The following ALMS1 variants were observed in gnomAD, a reference collection of about 807,000 sequenced individuals.
ALMS1 encodes the protein centrosome-associated protein ALMS1.
ALMS1 carries 271 observed loss-of-function variants against 352.2 expected under a neutral mutation model. That is an observed-to-expected ratio of 0.77 (90% CI 0.70 to 0.85). The LOEUF (loss-of-function observed/expected upper bound fraction) is 0.85. Ranked by LOEUF, ALMS1 falls within the 40% of genes least tolerant of loss-of-function variation. ALMS1 has a pLI of 0.00. For missense variants in ALMS1, 5,445 were observed against 4,870.7 expected, an observed-to-expected ratio of 1.12 and a Z score of -3.51; for synonymous variants, 1,865 against 1,761.2, an observed-to-expected ratio of 1.06 and a Z score of -1.48.
intron 7 of ALMS1, among the ~76,000 whole-genome samples, chr2:73,440,424 T>C (rs1474169176): frequency 6.6e-6 from 1 of 152,142 alleles, no homozygotes; most frequent in African/African-American, 2.4e-5. Context: ...CATTTGATCG[T>C]CTTCTCCCTC....
At chr2:73,455,780 A>C (rs1427119353) in intron 9 of ALMS1, among the ~76,000 whole-genome samples, 1 of 152,186 alleles carries the variant, frequency 6.6e-6, no homozygotes, top group African/African-American at 2.4e-5. Flanking sequence ...ATTGATTCCA[A>C]ATTCATATTT....
At chr2:73,437,757 C>G (rs7577699) in intron 7 of ALMS1, among the ~76,000 whole-genome samples, 1 of 152,034 alleles carries the variant, frequency 6.6e-6, no homozygotes, top group African/African-American at 2.4e-5. Flanking sequence ...TCTGAAACTG[C>G]GAGGTCCTCA....
intron 9 of ALMS1, among the ~76,000 whole-genome samples, chr2:73,469,216 C>T (rs966645039): frequency 6.6e-6 from 1 of 151,670 alleles, no homozygotes; most frequent in African/African-American, 2.4e-5. Context: ...GTAAACTTTA[C>T]TTATACTCTA....
Position 73,448,568 on chromosome 2 carries a change from C to G in ALMS1, c.2041C>G (p.Gln681Glu). The G allele has an allele frequency of 6.2e-7, 1 of 1,613,962 alleles. No homozygotes were observed. The highest frequency in any genetic ancestry group is 8.5e-7 in the Non-Finnish European group (1 of 1,179,918). The stretch of plus-strand genomic sequence containing the variant: ...AGAGGACCTCCTCTTTTTCTATCGA[C>G]AGACCTTGCCAGATGGTCATCTAAC... Reference protein sequence around the residue: ...HVEDLLFFYRQTLPDGHLTDQ... With the variant: ...HVEDLLFFYRETLPDGHLTDQ... Residue 681 changes from glutamine (Q) to glutamate (E), a missense_variant, in exon 8 of 23, where the codon CAG (glutamine) becomes GAG (glutamate). Physicochemically the swap from Gln to Glu is conservative, Grantham distance 29. Transcript: ENST00000613296.
chr2:73,421,990 G>A (rs1265347513), intron 3 of ALMS1, among the ~76,000 whole-genome samples: 1 of 151,864 alleles, frequency 6.6e-6, no homozygotes, highest in Non-Finnish European at 1.5e-5. Flanking sequence ...AAACTTTTTG[G>A]GTAACAGGAT....
chr2:73,551,656 G>A (rs1373681515), intron 13 of ALMS1, among the ~76,000 whole-genome samples: 1 of 151,686 alleles, frequency 6.6e-6, no homozygotes, highest in Admixed American at 6.6e-5. Flanking sequence ...GGCTGGTCTT[G>A]AACTCCAGAC....
chr2:73,455,271 T>C lies in ALMS1; in HGVS notation c.7650T>C (p.His2550=), dbSNP rs756901095. The C allele has an allele frequency of 1.2e-6, 2 of 1,614,070 alleles. No homozygotes were observed. Among genetic ancestry groups the C allele is most frequent in the South Asian group, 1.1e-5 (1 of 91,086 alleles). Residue 2550 remains histidine, a synonymous_variant, in exon 9 of 23, where the codon CAT becomes CAC. Coordinates refer to ENST00000613296, the MANE Select transcript of ALMS1 (RefSeq NM_001378454.1). ...VEEIKAELFG[H]GRTTDLSKGL... is the part of the protein sequence containing the mutation. The stretch of plus-strand genomic sequence containing the variant: ...AGATCAAGGCAGAGTTATTTGGTCA[T>C]GGAAGAACAACTGACTTGTCCAAGG...
At chr2:73,561,646 T>A (rs914007859) in intron 15 of ALMS1, among the ~76,000 whole-genome samples, 3 of 147,086 alleles carry the variant, frequency 2.0e-5, no homozygotes, top group Non-Finnish European at 4.4e-5. Context: ...AGTTAGAGAT[T>A]GTTGCACAAC....
chr2:73,468,398 A>G (rs984687764), intron 9 of ALMS1, among the ~76,000 whole-genome samples: 2 of 152,048 alleles, frequency 1.3e-5, no homozygotes, highest in African/African-American at 2.4e-5. Context: ...TACACAACAC[A>G]AAATTTACCT....
chr2:73,534,812 T>TTC lies in ALMS1; in HGVS notation c.9782-11_9782-10insCT, dbSNP rs1673991894. Reference sequence around the variant, plus strand: ...TTTTTCATATTAATTGTTCTGATTTTTACCTCCTTAGGCCAGCCTTTATTA... The same window carrying TTC: ...TTTTTCATATTAATTGTTCTGATTTTTCTACCTCCTTAGGCCAGCCTTTATTA... On this transcript the variant is annotated splice_polypyrimidine_tract_variant and intron_variant, in intron 11 of 22. Coordinates refer to ENST00000613296, the MANE Select transcript of ALMS1 (RefSeq NM_001378454.1). The TTC allele has an allele frequency of 6.2e-7, 1 of 1,612,508 alleles. No individual in the cohort carries two copies. The highest frequency in any genetic ancestry group is 1.3e-5 in the African/African-American group (1 of 74,880).
intron 9 of ALMS1, among the ~76,000 whole-genome samples, chr2:73,486,835 A>T (rs185294808): frequency 2.4e-4 from 36 of 152,272 alleles, no homozygotes; most frequent in African/African-American, 8.2e-4. Context: ...GGATCCCTTG[A>T]ATCCAGGAGT....
intron 9 of ALMS1, among the ~76,000 whole-genome samples, chr2:73,484,711 C>A (rs895841588): frequency 1.8e-3 from 269 of 152,294 alleles, no homozygotes; most frequent in Non-Finnish European, 3.1e-3. Context: ...TTCAGGTACA[C>A]CAATCAGACG....
intron 19 of ALMS1, 140 bp from the exon 20 acceptor site, chr2:73,602,045 C>G: frequency 2.2e-6 from 2 of 896,272 alleles, no homozygotes; most frequent in Middle Eastern, 6.7e-4. Context: ...TCAGAGGATT[C>G]TTCAACGCTA....
intron 1 of ALMS1, among the ~76,000 whole-genome samples, chr2:73,392,547 A>G (rs1670672321): frequency 6.6e-6 from 1 of 152,000 alleles, no homozygotes; most frequent in Non-Finnish European, 1.5e-5. Context: ...CTATTAATCT[A>G]CCTTCTGTCT....
intron 9 of ALMS1, among the ~76,000 whole-genome samples, chr2:73,477,344 A>G (rs759468770): frequency 5.9e-5 from 9 of 152,094 alleles, no homozygotes; most frequent in Non-Finnish European, 8.8e-5. Flanking sequence ...ATTGATCTAC[A>G]TGACTGTCCT....
chr2:73,518,822 A>G (rs767177185), intron 10 of ALMS1, among the ~76,000 whole-genome samples: 1 of 152,086 alleles, frequency 6.6e-6, no homozygotes, highest in East Asian at 1.9e-4. Context: ...TGGATACTAG[A>G]CCTTTATCAG....
chr2:73,588,622 G>GA (rs1296121923), intron 16 of ALMS1, among the ~76,000 whole-genome samples: 1 of 151,966 alleles, frequency 6.6e-6, no homozygotes, highest in African/African-American at 2.4e-5. Flanking sequence ...AAAAAGTGAA[G>GA]AAAAAAGGTC....
chr2:73,466,273 G>A (rs963378085), intron 9 of ALMS1, among the ~76,000 whole-genome samples: 5 of 152,054 alleles, frequency 3.3e-5, no homozygotes, highest in Admixed American at 2.0e-4. Flanking sequence ...AGAAAATGTG[G>A]CACATATACA....
At chr2:73,465,754 A>T (rs1363178608) in intron 9 of ALMS1, among the ~76,000 whole-genome samples, 1 of 151,986 alleles carries the variant, frequency 6.6e-6, no homozygotes, top group African/African-American at 2.4e-5. Context: ...CAAAGGGCTA[A>T]TATCCAGAAT....
Sources: gnomAD v4.1 joint callset for allele counts (sites outside exome capture counted in the v4.1 genomes callset) on GRCh38, gnomAD v4.1.1 for gene constraint, MANE v1.5 for transcripts, NCBI Gene and HGNC (gene_info 2026-07-23, HGNC 2026-07-21) for gene names.